Variants in HYCC1 observed in about 807,000 individuals in gnomAD.
HYCC1 encodes the protein hyccin.
At chr7:22,991,051 T>C in the HYCC1 span, 4 of 1,579,462 alleles carry the variant, frequency 2.5e-6, no homozygotes, top group Middle Eastern at 1.7e-4. Flanking sequence ...AGTAGAACAG[T>C]AAATATTACC....
the HYCC1 span, among the ~76,000 whole-genome samples, chr7:22,908,780 T>G: frequency 2.6e-5 from 4 of 151,656 alleles, no homozygotes; most frequent in African/African-American, 9.8e-5. Context: ...AGAATGACTT[T>G]GTTTACCTGG....
the HYCC1 span, among the ~76,000 whole-genome samples, chr7:23,007,261 C>A: frequency 1.2e-4 from 19 of 152,106 alleles, no homozygotes; most frequent in East Asian, 3.7e-3. Context: ...AAGAAAGAGT[C>A]CTAATTAAGA....
the HYCC1 span, among the ~76,000 whole-genome samples, chr7:22,974,201 A>G: frequency 6.6e-6 from 1 of 152,216 alleles, no homozygotes; most frequent in Admixed American, 6.5e-5. Flanking sequence ...ACGAAAAGCA[A>G]GGAAAGCTAA....
the HYCC1 span, among the ~76,000 whole-genome samples, chr7:23,013,157 A>G: frequency 1.3e-5 from 2 of 152,232 alleles, no homozygotes; most frequent in Non-Finnish European, 2.9e-5. Flanking sequence ...GGAAGCGTAC[A>G]AACTTGGGGG....
At chr7:22,903,341 GAA>G in the HYCC1 span, among the ~76,000 whole-genome samples, 43 of 147,656 alleles carry the variant, frequency 2.9e-4, no homozygotes, top group Middle Eastern at 3.4e-3. Flanking sequence ...TTCTTGTAAT[GAA>G]AAAAAAAGAG....
chr7:22,945,524 T>C, the HYCC1 span: 4 of 1,258,684 alleles, frequency 3.2e-6, no homozygotes, highest in African/African-American at 5.9e-5. Context: ...CCCAGGGTAC[T>C]TTCATAAAGA....
At chr7:23,003,582 C>T in the HYCC1 span, among the ~76,000 whole-genome samples, 2 of 152,202 alleles carry the variant, frequency 1.3e-5, no homozygotes, top group Admixed American at 6.5e-5. Flanking sequence ...CAAAGCACAG[C>T]TCTACTTTGA....
At chr7:22,907,104 C>CAAAAAAAAAAAAAAAAA in the HYCC1 span, among the ~76,000 whole-genome samples, 10 of 43,550 alleles carry the variant, frequency 2.3e-4, no homozygotes, top group African/African-American at 7.9e-4. Context: ...GACTCTATCT[C>CAAAAAAAAAAAAAAAAA]AAAAAAAAAA....
At chr7:22,940,382 GCT>G in the HYCC1 span, 4 of 151,224 alleles carry the variant, frequency 2.6e-5, no homozygotes, top group African/African-American at 4.9e-5. Context: ...CTCCTGAGTA[GCT>G]GGGACTACAG....
At chr7:22,907,601 T>C in the HYCC1 span, among the ~76,000 whole-genome samples, 1 of 152,208 alleles carries the variant, frequency 6.6e-6, no homozygotes, top group African/African-American at 2.4e-5. Flanking sequence ...AGATGCAGAC[T>C]GACATGCTTA....
the HYCC1 span, among the ~76,000 whole-genome samples, chr7:22,930,886 CAT>C: frequency 1.3e-5 from 2 of 152,100 alleles, no homozygotes; most frequent in Non-Finnish European, 2.9e-5. Context: ...ACAAAAACTA[CAT>C]GTTCGTCTCA....
the HYCC1 span, among the ~76,000 whole-genome samples, chr7:22,996,981 C>T: frequency 3.3e-5 from 5 of 152,150 alleles, no homozygotes; most frequent in Non-Finnish European, 5.9e-5. Context: ...TAACTAACTT[C>T]CTATTTTTGC....
At chr7:22,930,245 T>C in the HYCC1 span, among the ~76,000 whole-genome samples, 1 of 148,618 alleles carries the variant, frequency 6.7e-6, no homozygotes, top group African/African-American at 2.5e-5. Flanking sequence ...TAATGCTAAA[T>C]GATGAGTTAA....
At chr7:22,948,937 A>G in the HYCC1 span, among the ~76,000 whole-genome samples, 2 of 152,148 alleles carry the variant, frequency 1.3e-5, no homozygotes, top group Admixed American at 1.3e-4. Flanking sequence ...ATTGAGGTAC[A>G]TGCCAGAGGT....
At chr7:22,995,015 A>T in the HYCC1 span, among the ~76,000 whole-genome samples, 15 of 152,066 alleles carry the variant, frequency 9.9e-5, no homozygotes, top group African/African-American at 3.4e-4. Context: ...TACATCTTCA[A>T]CAGTTCTTCA....
At chr7:22,937,469 A>G in the HYCC1 span, 1 of 152,236 alleles carries the variant, frequency 6.6e-6, no homozygotes, top group African/African-American at 2.4e-5. Flanking sequence ...TAGTCTAACT[A>G]AAGAGAAACA....
At chr7:22,896,098 G>A in the HYCC1 span, among the ~76,000 whole-genome samples, 5 of 152,138 alleles carry the variant, frequency 3.3e-5, no homozygotes, top group Non-Finnish European at 5.9e-5. Context: ...GTGCTATTCT[G>A]TCGACTTCCC....
chr7:23,002,098 T>C, the HYCC1 span, among the ~76,000 whole-genome samples: 1 of 145,646 alleles, frequency 6.9e-6, no homozygotes, highest in Non-Finnish European at 1.5e-5. Context: ...GATATACAAC[T>C]CAATTAAAAT....
the HYCC1 span, among the ~76,000 whole-genome samples, chr7:22,897,565 G>A: frequency 6.6e-6 from 1 of 152,172 alleles, no homozygotes; most frequent in African/African-American, 2.4e-5. Context: ...AAGATAGTAC[G>A]TGCAGGTAGC....
Sources: allele counts gnomAD v4.1 joint callset (sites outside exome capture counted in the v4.1 genomes callset), GRCh38; gene constraint gnomAD v4.1.1; transcripts MANE v1.5; gene names NCBI Gene and HGNC (gene_info 2026-07-23, HGNC 2026-07-21).